Variants in SAXO4 observed in about 807,000 individuals in gnomAD.
SAXO4 encodes stabilizer of axonemal microtubules 4.
chr11:61,482,931 G>A, the SAXO4 span: 2 of 1,009,958 alleles, frequency 2.0e-6, no homozygotes, highest in East Asian at 5.5e-5. Context: ...GTAGGGATGG[G>A]GTCCACTCAT....
chr11:61,488,453 T>C, the SAXO4 span, among the ~76,000 whole-genome samples: 9 of 152,004 alleles, frequency 5.9e-5, no homozygotes, highest in South Asian at 2.1e-4. Flanking sequence ...TACAGGCGCC[T>C]GCCACCACGC....
At chr11:61,482,283 G>A in the SAXO4 span, 40 of 1,604,524 alleles carry the variant, frequency 2.5e-5, no homozygotes, top group East Asian at 8.0e-4. Flanking sequence ...TGACCTTGGG[G>A]TCTGTCTCCC....
At chr11:61,486,690 T>C in the SAXO4 span, 2 of 1,338,080 alleles carry the variant, frequency 1.5e-6, no homozygotes, top group Admixed American at 1.8e-5. Flanking sequence ...GGGTCAGGCA[T>C]TGAAGAATGA....
chr11:61,484,099 C>T, the SAXO4 span, among the ~76,000 whole-genome samples: 1 of 151,918 alleles, frequency 6.6e-6, no homozygotes, highest in Admixed American at 6.6e-5. Flanking sequence ...AAAAAATAGC[C>T]AGGTGTGGTG....
At chr11:61,487,586 C>T in the SAXO4 span, among the ~76,000 whole-genome samples, 3,833 of 152,290 alleles carry the variant, frequency 0.025, 180 homozygotes, top group African/African-American at 0.088. Context: ...CCACATCCAT[C>T]GGTCATTGGT....
the SAXO4 span, chr11:61,482,295 G>A: frequency 2.0e-5 from 32 of 1,611,654 alleles, no homozygotes; most frequent in African/African-American, 8.0e-5. Flanking sequence ...CTGTCTCCCC[G>A]TTACCCCTCT....
At chr11:61,481,863 G>T in the SAXO4 span, 1 of 1,559,666 alleles carries the variant, frequency 6.4e-7, no homozygotes, top group African/African-American at 1.4e-5. Context: ...AGATGAGTTC[G>T]GGGGGCTACA....
At chr11:61,482,793 TCC>T in the SAXO4 span, 1 of 1,609,002 alleles carries the variant, frequency 6.2e-7, no homozygotes. Context: ...CCAGTGCGGG[TCC>T]CCCCACCAAG....
At chr11:61,484,769 C>A in the SAXO4 span, 1 of 1,611,816 alleles carries the variant, frequency 6.2e-7, no homozygotes, top group Non-Finnish European at 8.5e-7. Flanking sequence ...GCCTCTGCTC[C>A]ACCAGCAGCA....
At chr11:61,486,235 T>C in the SAXO4 span, 2 of 1,152,674 alleles carry the variant, frequency 1.7e-6, no homozygotes, top group Non-Finnish European at 2.5e-6. Context: ...TTGAGCTGAG[T>C]CCTCCTCTGT....
the SAXO4 span, among the ~76,000 whole-genome samples, chr11:61,483,030 T>C: frequency 6.6e-6 from 1 of 151,234 alleles, no homozygotes; most frequent in Non-Finnish European, 1.5e-5. Context: ...CACCTCCATT[T>C]CCATCCCCAT....
chr11:61,485,824 C>T, the SAXO4 span: 16 of 1,613,920 alleles, frequency 9.9e-6, no homozygotes, highest in Admixed American at 8.3e-5. Context: ...AATCGATCGG[C>T]GCAAAGGAGG....
chr11:61,482,742 G>A, the SAXO4 span: 2 of 1,613,820 alleles, frequency 1.2e-6, no homozygotes, highest in African/African-American at 2.7e-5. Context: ...CCCTGCCCTG[G>A]AGCATGCGCC....
the SAXO4 span, chr11:61,481,151 T>G: frequency 6.6e-6 from 1 of 152,242 alleles, no homozygotes; most frequent in African/African-American, 2.4e-5. Flanking sequence ...CCAGGAGGGC[T>G]GGCTTCTCTG....
the SAXO4 span, chr11:61,481,917 C>A: frequency 6.3e-7 from 1 of 1,577,372 alleles, no homozygotes; most frequent in Admixed American, 2.0e-5. Flanking sequence ...GCACCGCCTA[C>A]GGTGAGGGTG....
chr11:61,487,658 T>C, the SAXO4 span, among the ~76,000 whole-genome samples: 1 of 152,180 alleles, frequency 6.6e-6, no homozygotes, highest in African/African-American at 2.4e-5. Flanking sequence ...CAAAGCAGCT[T>C]CTAGCATCCC....
chr11:61,482,799 C>A, the SAXO4 span: 36 of 1,608,748 alleles, frequency 2.2e-5, no homozygotes, highest in South Asian at 3.3e-5. Flanking sequence ...CGGGTCCCCC[C>A]ACCAAGGAGG....
the SAXO4 span, among the ~76,000 whole-genome samples, chr11:61,483,530 G>A: frequency 6.6e-6 from 1 of 152,026 alleles, no homozygotes; most frequent in African/African-American, 2.4e-5. Flanking sequence ...CCACCAAAAT[G>A]GACACTCATT....
the SAXO4 span, chr11:61,485,403 T>C: frequency 6.2e-7 from 1 of 1,612,708 alleles, no homozygotes; most frequent in Non-Finnish European, 8.5e-7. Flanking sequence ...ACCAGCCAGG[T>C]AGGCCCTGTC....
Sources: gnomAD v4.1 joint callset for allele counts (sites outside exome capture counted in the v4.1 genomes callset) on GRCh38, gnomAD v4.1.1 for gene constraint, MANE v1.5 for transcripts, NCBI Gene and HGNC (gene_info 2026-07-23, HGNC 2026-07-21) for gene names.